Variants in CCDC60 observed in about 807,000 individuals in gnomAD.
CCDC60 encodes coiled-coil domain containing 60.
CCDC60 carries 54 observed loss-of-function variants against 63.5 expected under a neutral mutation model. That is an observed-to-expected ratio of 0.85 (90% CI 0.68 to 1.07). The LOEUF is 1.07. CCDC60 is among the 50% of genes least tolerant of loss of function. The pLI is 0.00. For missense variants in CCDC60, 651 were observed against 684.3 expected, an observed-to-expected ratio of 0.95 and a Z score of 0.54; for synonymous variants, 206 against 238.8, an observed-to-expected ratio of 0.86 and a Z score of 1.27.
intron 1 of CCDC60, among the ~76,000 whole-genome samples, chr12:119,381,526 GA>G (rs1194290143): frequency 6.6e-6 from 1 of 152,084 alleles, no homozygotes; most frequent in East Asian, 1.9e-4. Flanking sequence ...TTGTCCTTTG[GA>G]AAACCAGATC....
chr12:119,376,414 G>C (rs550636693), intron 1 of CCDC60, among the ~76,000 whole-genome samples: 1 of 152,272 alleles, frequency 6.6e-6, no homozygotes, highest in African/African-American at 2.4e-5. Context: ...GATCGCTTGA[G>C]TCCAGGAGTT....
intron 1 of CCDC60, among the ~76,000 whole-genome samples, chr12:119,371,816 C>T (rs764495622): frequency 6.6e-6 from 1 of 152,186 alleles, no homozygotes; most frequent in Non-Finnish European, 1.5e-5. Flanking sequence ...CCCTCCCTGG[C>T]TCTGGGAAGA....
At chr12:119,381,186 A>T (rs534465207) in intron 1 of CCDC60, among the ~76,000 whole-genome samples, 37 of 152,268 alleles carry the variant, frequency 2.4e-4, no homozygotes, top group African/African-American at 8.9e-4. Context: ...CCTCCCCATG[A>T]CCAGCACCAT....
chr12:119,438,884 C>T (rs954073), intron 2 of CCDC60, among the ~76,000 whole-genome samples: 10,117 of 152,000 alleles, frequency 0.067, 321 homozygotes, highest in East Asian at 0.088. Flanking sequence ...TGAATAAGGA[C>T]AGAATGAGAT....
rs372083479 is a variant in CCDC60, at chr12:119,483,611, A to G, written c.449+4410A>G. 1.3e-3 allele frequency among the ~76,000 whole-genome samples: 201 copies of G among 152,240 alleles called. 1 individual carries two copies. The highest frequency in any genetic ancestry group is 4.5e-3 in the African/African-American group (188 of 41,544). On this transcript the variant is annotated intron_variant, in intron 4 of 13. Transcript: ENST00000327554. ...GGGTGCTTGGAATGGCTTTGAATGC[A>G]TTTTCCAATTTCTCTTGTAAAAGAA...
intron 13 of CCDC60, among the ~76,000 whole-genome samples, chr12:119,536,873 C>G (rs1953019398): frequency 6.6e-6 from 1 of 152,186 alleles, no homozygotes; most frequent in South Asian, 2.1e-4. Flanking sequence ...CTTGGTAAAT[C>G]TGACAATTAT....
chr12:119,344,091 C>G (rs1283477218), intron 1 of CCDC60, among the ~76,000 whole-genome samples: 1 of 152,130 alleles, frequency 6.6e-6, no homozygotes, highest in Non-Finnish European at 1.5e-5. Context: ...TACGTTTCAG[C>G]AGAGTTTCTC....
At chr12:119,502,302 A>T (rs1030527793) in intron 6 of CCDC60, among the ~76,000 whole-genome samples, 2 of 152,212 alleles carry the variant, frequency 1.3e-5, no homozygotes, top group African/African-American at 4.8e-5. Context: ...AATCCTGGGT[A>T]GCTAAACATG....
chr12:119,436,155 C>A (rs1376824485), intron 2 of CCDC60, among the ~76,000 whole-genome samples: 1 of 152,198 alleles, frequency 6.6e-6, no homozygotes, highest in Non-Finnish European at 1.5e-5. Flanking sequence ...TCAGCGGGAA[C>A]AGCTGCAAAT....
At chr12:119,498,501 T>G (rs1395259733) in intron 5 of CCDC60, among the ~76,000 whole-genome samples, 1 of 151,860 alleles carries the variant, frequency 6.6e-6, no homozygotes, top group Non-Finnish European at 1.5e-5. Flanking sequence ...CCTGGCTAAA[T>G]TTTTTTTGTA....
chr12:119,523,622 G>C, intron 10 of CCDC60, 71 bp from the exon 11 acceptor site: 1 of 1,597,628 alleles, frequency 6.3e-7, no homozygotes. Flanking sequence ...AGGGGGGCCA[G>C]AGTGGGACCC....
intron 9 of CCDC60, among the ~76,000 whole-genome samples, chr12:119,520,951 T>C (rs1006102638): frequency 6.6e-6 from 1 of 152,162 alleles, no homozygotes; most frequent in Admixed American, 6.5e-5. Flanking sequence ...GATCTCTGTG[T>C]CTGGGCTGGG....
chr12:119,501,854 G>A (rs1052021043), intron 6 of CCDC60, among the ~76,000 whole-genome samples: 1 of 152,170 alleles, frequency 6.6e-6, no homozygotes, highest in South Asian at 2.1e-4. Context: ...TCCACTCTGG[G>A]CATGGGGGAG....
At chr12:119,458,869 C>A (rs936027546) in intron 2 of CCDC60, among the ~76,000 whole-genome samples, 2 of 152,070 alleles carry the variant, frequency 1.3e-5, no homozygotes, top group African/African-American at 4.8e-5. Context: ...GCCTCAGCCC[C>A]CCGAGTAGCT....
intron 2 of CCDC60, among the ~76,000 whole-genome samples, chr12:119,471,085 CCTT>C (rs1489061817): frequency 6.6e-6 from 1 of 152,222 alleles, no homozygotes; most frequent in African/African-American, 2.4e-5. Flanking sequence ...CTGCATCACT[CCTT>C]CTCCACCACA....
intron 2 of CCDC60, among the ~76,000 whole-genome samples, chr12:119,470,560 C>T (rs998361256): frequency 1.3e-5 from 2 of 152,216 alleles, no homozygotes; most frequent in Non-Finnish European, 1.5e-5. Context: ...AAATGACCTT[C>T]ATAACACCTT....
At position 119,362,891 on chromosome 12, in the gene CCDC60, G is replaced by T. The variant is rs556199834; in HGVS notation, c.90+27625G>T. Among the ~76,000 whole-genome samples, 3 of 152,326 alleles carry T rather than the reference G, an allele frequency of 2.0e-5. No homozygotes were observed. The East Asian group carries it at 5.8e-4, about 29-fold the overall frequency. On this transcript the variant is annotated intron_variant, in intron 1 of 13. Coordinates refer to ENST00000327554, the MANE Select transcript of CCDC60 (RefSeq NM_178499.5). Reference sequence around the variant, plus strand: ...AGGTGGGCAGATCACTTGAGGCCAGGAGTTCGAGACCAGCTTGGCCAACAT... The same window carrying T: ...AGGTGGGCAGATCACTTGAGGCCAGTAGTTCGAGACCAGCTTGGCCAACAT...
chr12:119,445,126 G>A (rs1950518180), intron 2 of CCDC60, among the ~76,000 whole-genome samples: 1 of 151,956 alleles, frequency 6.6e-6, no homozygotes, highest in Non-Finnish European at 1.5e-5. Context: ...ATGAAAATGA[G>A]AACAAAGTCA....
intron 7 of CCDC60, among the ~76,000 whole-genome samples, chr12:119,508,592 A>C (rs1952121057): frequency 6.6e-6 from 1 of 152,152 alleles, no homozygotes; most frequent in Non-Finnish European, 1.5e-5. Flanking sequence ...CATGGAGCTA[A>C]ATTAGCAAGG....
Sources: gnomAD v4.1 joint callset for allele counts (sites outside exome capture counted in the v4.1 genomes callset) on GRCh38, gnomAD v4.1.1 for gene constraint, MANE v1.5 for transcripts, NCBI Gene and HGNC (gene_info 2026-07-23, HGNC 2026-07-21) for gene names.